The following UNC5C variants were observed in gnomAD, a reference collection of about 807,000 sequenced individuals.
UNC5C encodes netrin receptor UNC5C.
Under a neutral mutation model 99.8 loss-of-function variants are expected in UNC5C, and 47 were observed. That is an observed-to-expected ratio of 0.47 (90% CI 0.37 to 0.60). The LOEUF (loss-of-function observed/expected upper bound fraction) is 0.60. Among genes scored for constraint, UNC5C ranks in the 20% least tolerant of loss-of-function variants. UNC5C has a pLI of 0.00. For missense variants in UNC5C, 1,062 were observed against 1,165.9 expected (o/e 0.91, Z 1.30); for synonymous variants, 487 against 452.2 (o/e 1.08, Z -0.98).
chr4:95,411,318 C>G (rs1210379581), intron 1 of UNC5C, among the ~76,000 whole-genome samples: 1 of 152,086 alleles, frequency 6.6e-6, no homozygotes, highest in Non-Finnish European at 1.5e-5. Context: ...CACAAAGGAT[C>G]CTCTGTAAGT....
At chr4:95,304,164 A>G (rs891314573) in intron 2 of UNC5C, among the ~76,000 whole-genome samples, 2 of 152,200 alleles carry the variant, frequency 1.3e-5, no homozygotes, top group African/African-American at 2.4e-5. Context: ...GGTGGGTTTT[A>G]TAATCCCAAG....
chr4:95,278,059 C>T (rs1740923396), intron 4 of UNC5C, among the ~76,000 whole-genome samples, 200 bp downstream of exon 4: 1 of 152,192 alleles, frequency 6.6e-6, no homozygotes, highest in South Asian at 2.1e-4. Context: ...GTGGCTTTGT[C>T]CAATGGGGCA....
At chr4:95,469,770 T>C (rs921361182) in intron 1 of UNC5C, among the ~76,000 whole-genome samples, 2 of 152,140 alleles carry the variant, frequency 1.3e-5, no homozygotes, top group Non-Finnish European at 2.9e-5. Flanking sequence ...ATGGTGTTAA[T>C]CAAAGTTTAC....
intron 1 of UNC5C, among the ~76,000 whole-genome samples, chr4:95,412,250 C>G (rs1035140829): frequency 6.6e-6 from 1 of 152,108 alleles, no homozygotes; most frequent in Non-Finnish European, 1.5e-5. Context: ...CTACCCTTCT[C>G]AATCCTCTTC....
intron 1 of UNC5C, among the ~76,000 whole-genome samples, chr4:95,470,959 A>G (rs575417399): frequency 1.6e-3 from 237 of 152,210 alleles, no homozygotes; most frequent in Middle Eastern, 3.4e-3. Flanking sequence ...CATGAGTGTC[A>G]GGATATACTT....
chr4:95,526,330 C>CTACCTCTGAGTCACTATA (rs1386982329), intron 1 of UNC5C, among the ~76,000 whole-genome samples: 1 of 152,008 alleles, frequency 6.6e-6, no homozygotes, highest in Non-Finnish European at 1.5e-5. Context: ...TGTGGTCTCC[C>CTACCTCTGAGTCACTATA]TACCTCTGAG....
chr4:95,368,454 G>T (rs762698656), intron 1 of UNC5C, among the ~76,000 whole-genome samples: 90 of 152,116 alleles, frequency 5.9e-4, no homozygotes, highest in Non-Finnish European at 1.1e-3. Flanking sequence ...AACAAAAAAA[G>T]GCAAAATTAT....
chr4:95,451,594 G>T (rs959513132), intron 1 of UNC5C, among the ~76,000 whole-genome samples: 1 of 152,108 alleles, frequency 6.6e-6, no homozygotes, highest in African/African-American at 2.4e-5. Flanking sequence ...TAAATTTCAA[G>T]TTGTTTAATC....
intron 4 of UNC5C, among the ~76,000 whole-genome samples, chr4:95,265,860 G>A (rs1198598662): frequency 6.6e-6 from 1 of 152,056 alleles, no homozygotes. Context: ...ACAAATGGAG[G>A]GTGCATCCCT....
intron 1 of UNC5C, among the ~76,000 whole-genome samples, chr4:95,386,183 C>T (rs544794483): frequency 5.8e-4 from 88 of 152,234 alleles, no homozygotes; most frequent in Non-Finnish European, 9.9e-4. Flanking sequence ...ATTATTACAA[C>T]CAATTTCTAA....
chr4:95,284,881 G>A (rs1369268538), intron 3 of UNC5C, among the ~76,000 whole-genome samples: 1 of 152,128 alleles, frequency 6.6e-6, no homozygotes, highest in African/African-American at 2.4e-5. Context: ...CATCTCTTGA[G>A]CAACTTTGCC....
rs1208781802 is a variant in UNC5C, at chr4:95,448,227, T to TGAGAGA, written c.124+100501_124+100506dup. Among the ~76,000 whole-genome samples, 582 of 100,138 alleles carry TGAGAGA rather than the reference T, an allele frequency of 5.8e-3. 13 individuals carry two copies. The highest frequency in any genetic ancestry group is 0.02 in the African/African-American group (491 of 24,822). The allele number at this position is 100,138 out of a possible 152,430, so 65.7% of individuals were successfully genotyped here. On this transcript the variant is annotated intron_variant, in intron 1 of 15. Coordinates refer to ENST00000453304, the MANE Select transcript of UNC5C (RefSeq NM_003728.4). Reference sequence around the variant, plus strand: ...GTGTGTGTGTGTGTGTGTGTGTGTGTGAGAGAGAGAGAGAGAGAGAGAGAG... The same window carrying TGAGAGA: ...GTGTGTGTGTGTGTGTGTGTGTGTGTGAGAGAGAGAGAGAGAGAGAGAGAGAGAGAG...
intron 1 of UNC5C, among the ~76,000 whole-genome samples, chr4:95,537,850 G>T (rs889411424): frequency 1.3e-5 from 2 of 152,128 alleles, no homozygotes; most frequent in Middle Eastern, 3.2e-3. Flanking sequence ...AGTGTTTGGG[G>T]TGGGGGGAGC....
At chr4:95,448,366 AC>A (rs1747182636) in intron 1 of UNC5C, among the ~76,000 whole-genome samples, 1 of 152,068 alleles carries the variant, frequency 6.6e-6, no homozygotes, top group Admixed American at 6.6e-5. Flanking sequence ...ACCAGAGGCA[AC>A]CCATACGACC....
At chr4:95,394,651 CTG>C (rs10527279) in intron 1 of UNC5C, among the ~76,000 whole-genome samples, 32 of 147,678 alleles carry the variant, frequency 2.2e-4, no homozygotes, top group East Asian at 6.0e-4. Context: ...AAGGTATTTG[CTG>C]TGTGTGTGTG....
rs367817805 is a variant in UNC5C, at chr4:95,436,064, G to A, written c.125-100433C>T. On this transcript the variant is annotated intron_variant, in intron 1 of 15. Coordinates refer to ENST00000453304, the MANE Select transcript of UNC5C (RefSeq NM_003728.4). Reference sequence around the variant, plus strand: ...TGAAGCTTTTCTCCACAATTTAAAAGTGTCCTATAATAGAGATGCAAATTT... The same window carrying A: ...TGAAGCTTTTCTCCACAATTTAAAAATGTCCTATAATAGAGATGCAAATTT... Among the ~76,000 whole-genome samples the A allele has an allele frequency of 3.3e-5, 5 of 151,698 alleles. No homozygotes were observed. In the East Asian group the frequency reaches 9.7e-4, roughly 29 times the overall value.
chr4:95,316,569 T>G (rs888411433), intron 2 of UNC5C, among the ~76,000 whole-genome samples: 5 of 152,180 alleles, frequency 3.3e-5, no homozygotes, highest in African/African-American at 1.2e-4. Context: ...TATGTTCACC[T>G]TGAAAAATAC....
At chr4:95,467,125 G>T (rs1747806718) in intron 1 of UNC5C, among the ~76,000 whole-genome samples, 1 of 152,134 alleles carries the variant, frequency 6.6e-6, no homozygotes, top group African/African-American at 2.4e-5. Context: ...CTTTCAGATG[G>T]CTCTGGCCCC....
chr4:95,255,281 C>T (rs1263647231), intron 4 of UNC5C, among the ~76,000 whole-genome samples: 1 of 152,054 alleles, frequency 6.6e-6, no homozygotes, highest in Non-Finnish European at 1.5e-5. Flanking sequence ...TGCCCGGCAC[C>T]CCGCTCTGTG....
Sources: gnomAD v4.1 joint callset for allele counts (sites outside exome capture counted in the v4.1 genomes callset) on GRCh38, gnomAD v4.1.1 for gene constraint, MANE v1.5 for transcripts, NCBI Gene and HGNC (gene_info 2026-07-23, HGNC 2026-07-21) for gene names.